Variants in MTAP observed in about 807,000 individuals in gnomAD.
The protein encoded by MTAP is methylthioadenosine phosphorylase, also known as S-methyl-5'-thioadenosine phosphorylase.
Under a neutral mutation model 33.6 loss-of-function variants are expected in MTAP, and 33 were observed. The observed-to-expected ratio is 0.98, with a 90% confidence interval of 0.74 to 1.31. The LOEUF is 1.31. Ranked by LOEUF, MTAP falls within the 40% of genes most tolerant of loss-of-function variation. The pLI is 0.00. For synonymous variants in MTAP, 148 were observed against 125.7 expected (o/e 1.18, Z -1.19); for missense variants, 367 against 360.0 (o/e 1.02, Z -0.16).
At chr9:21,880,826 T>C (rs1353657210) in intron 1 of MTAP, among the ~76,000 whole-genome samples, 4 of 152,038 alleles carry the variant, frequency 2.6e-5, no homozygotes, top group Non-Finnish European at 5.9e-5. Flanking sequence ...AAGATGTCAG[T>C]ACTACCCAAA....
exon 8 of MTAP, chr9:21,937,142 A>C (rs183752519): frequency 6.6e-6 from 1 of 152,264 alleles, no homozygotes; most frequent in African/African-American, 2.4e-5. Flanking sequence ...CATGAGGTCA[A>C]GAGATCAAGA....
intron 5 of MTAP, among the ~76,000 whole-genome samples, chr9:21,844,552 C>G (rs1825329196): frequency 6.6e-6 from 1 of 152,130 alleles, no homozygotes; most frequent in African/African-American, 2.4e-5. Context: ...GGTTTCATAC[C>G]AGTGATGAAG....
intron 1 of MTAP, among the ~76,000 whole-genome samples, chr9:21,879,920 C>T (rs1041508918): frequency 2.0e-5 from 3 of 152,032 alleles, no homozygotes; most frequent in Non-Finnish European, 4.4e-5. Context: ...CCTGATGGGG[C>T]TCCTTTTGTA....
chr9:21,938,278 A>C (rs1228543888), downstream of MTAP, among the ~76,000 whole-genome samples: 2 of 151,670 alleles, frequency 1.3e-5, no homozygotes, highest in East Asian at 3.9e-4. Context: ...CTTCTCAAAA[A>C]AAAAAAAAAA....
chr9:21,908,223 T>C (rs886598239), intron 1 of MTAP, among the ~76,000 whole-genome samples: 1 of 152,176 alleles, frequency 6.6e-6, no homozygotes, highest in Non-Finnish European at 1.5e-5. Context: ...ATACAGTATG[T>C]AACATTTTGG....
chr9:21,836,256 T>A (rs1002558013), intron 4 of MTAP, among the ~76,000 whole-genome samples: 1 of 152,180 alleles, frequency 6.6e-6, no homozygotes, highest in Non-Finnish European at 1.5e-5. Flanking sequence ...GTTAGGGAGC[T>A]TTGTTGAGAA....
intron 1 of MTAP, among the ~76,000 whole-genome samples, chr9:21,926,619 A>C (rs1057074765): frequency 2.0e-5 from 3 of 152,176 alleles, no homozygotes; most frequent in Non-Finnish European, 4.4e-5. Flanking sequence ...GGTTCCAGAG[A>C]TGGTTCCAAT....
In MTAP at chr9:21,865,757, G is replaced by A. The variant is rs990846939; in HGVS notation, c.*3743G>A. 1.9e-5 allele frequency: 20 copies of A among 1,040,198 alleles called. No homozygotes were observed. The East Asian group carries it at 1.4e-3, about 71-fold the overall frequency. The allele number at this position is 1,040,198 out of a possible 1,614,324, so 64.4% of individuals were successfully genotyped here. A position where few individuals can be genotyped will look rare whatever the true frequency, so the allele number is the denominator to read the frequency against. ...ACCTCGGGATCCCAAAGAATGAGGGGAATTTCTTCAGAAAGACAATCTCGG... is the reference window on the plus strand; with the variant it reads ...ACCTCGGGATCCCAAAGAATGAGGGAAATTTCTTCAGAAAGACAATCTCGG... On this transcript the variant is annotated 3_prime_UTR_variant, in exon 8 of 8. Coordinates refer to ENST00000644715, the MANE Select transcript of MTAP (RefSeq NM_002451.4).
At chr9:21,897,327 G>A (rs947293061) in intron 1 of MTAP, among the ~76,000 whole-genome samples, 3 of 152,106 alleles carry the variant, frequency 2.0e-5, no homozygotes, top group Non-Finnish European at 4.4e-5. Flanking sequence ...GCACAAAACA[G>A]GGATGCCCTC....
At chr9:21,917,623 A>G (rs1024616922) in intron 1 of MTAP, among the ~76,000 whole-genome samples, 2 of 152,218 alleles carry the variant, frequency 1.3e-5, no homozygotes, top group Non-Finnish European at 2.9e-5. Context: ...TGCAAAGGGA[A>G]CATCTTTACA....
intron 6 of MTAP, 109 bp from the exon 7 acceptor site, chr9:21,859,194 A>C (rs1825700931): frequency 1.6e-5 from 23 of 1,458,700 alleles, no homozygotes; most frequent in Non-Finnish European, 2.0e-5. Context: ...GATAAATTTG[A>C]GGGGACACAA....
At chr9:21,807,485 G>A (rs1824237464) in intron 1 of MTAP, among the ~76,000 whole-genome samples, 1 of 152,148 alleles carries the variant, frequency 6.6e-6, no homozygotes, top group Non-Finnish European at 1.5e-5. Flanking sequence ...TTTTGGGCAG[G>A]ACAATTATTT....
rs116957748 is a variant in MTAP at position 21,929,055 on chromosome 9, C to T, written c.148-1953C>T. Among the ~76,000 whole-genome samples the T allele has an allele frequency of 7.1e-3, 1,083 of 152,144 alleles. 4 individuals are homozygous for T. Among genetic ancestry groups the T allele is most frequent in the Admixed American group, 0.011 (161 of 15,270 alleles). ...TCATTAAAGCTTGGAAGGTTGAAAC[C>T]CCAAATTCCTAACTAACTGTATTCT... On this transcript the variant is annotated intron_variant, in intron 1 of 1. Coordinates refer to the MTAP transcript ENST00000577563.
intron 1 of MTAP, among the ~76,000 whole-genome samples, chr9:21,915,084 CCTTT>C (rs1554649256): frequency 1.4e-5 from 1 of 72,410 alleles, no homozygotes; most frequent in Non-Finnish European, 2.2e-5. Flanking sequence ...TTCTTTCTTT[CCTTT>C]CTTTCTTTTC....
chr9:21,843,618 G>A (rs1825305178), intron 5 of MTAP, among the ~76,000 whole-genome samples: 1 of 152,126 alleles, frequency 6.6e-6, no homozygotes, highest in Admixed American at 6.5e-5. Flanking sequence ...ACAAATACTT[G>A]GAAATGAAAT....
chr9:21,864,718 C>T lies in MTAP; in HGVS notation c.*2704C>T. 1 of 985,376 alleles carries T rather than the reference C, an allele frequency of 1.0e-6. No homozygotes were observed. The highest frequency in any genetic ancestry group is 1.2e-6 in the Non-Finnish European group (1 of 829,974). 61.0% of individuals were successfully genotyped at this position (985,376 alleles called of 1,614,324 possible). ...GGAAACTCTGGTACGGTGGCACCCT[C>T]AGGAGTGGAGGACAGTGAACTTCCT... On this transcript the variant is annotated 3_prime_UTR_variant, in exon 8 of 8. Coordinates refer to ENST00000644715, the MANE Select transcript of MTAP (RefSeq NM_002451.4).
At chr9:21,892,256 A>G (rs1318162337) in intron 1 of MTAP, 1 of 152,312 alleles carries the variant, frequency 6.6e-6, no homozygotes, top group South Asian at 2.1e-4. Context: ...GACAGGAACA[A>G]ATCTGCACAT....
intron 1 of MTAP, among the ~76,000 whole-genome samples, chr9:21,879,736 A>G (rs1242046403): frequency 6.6e-6 from 1 of 152,142 alleles, no homozygotes; most frequent in Non-Finnish European, 1.5e-5. Flanking sequence ...GTTGGTAACA[A>G]ACTCCCTCAA....
chr9:21,863,032 T>C lies in MTAP; in HGVS notation c.*1018T>C. ...GTGAATGTCATTTAAGGGAGTTACA[T>C]CTTTATTCTGCTAAAGAAGAGGATC... On this transcript the variant is annotated 3_prime_UTR_variant, in exon 8 of 8. Transcript: ENST00000644715. The C allele has an allele frequency of 1.0e-6, 1 of 985,408 alleles. No individual in the cohort carries two copies. The highest frequency in any genetic ancestry group is 1.2e-6 in the Non-Finnish European group (1 of 829,878). 61.0% of individuals were successfully genotyped at this position (985,408 alleles called of 1,614,324 possible).
Sources: gnomAD v4.1 joint callset for allele counts (sites outside exome capture counted in the v4.1 genomes callset) on GRCh38, gnomAD v4.1.1 for gene constraint, MANE v1.5 for transcripts, NCBI Gene and HGNC (gene_info 2026-07-23, HGNC 2026-07-21) for gene names.